Variants in PADI6 observed in about 807,000 individuals in gnomAD.
PADI6 encodes the protein peptidyl arginine deiminase 6.
PADI6 carries 66 observed loss-of-function variants against 78.2 expected under a neutral mutation model. The ratio of observed to expected loss-of-function variants is 0.84; its 90% CI spans 0.69 to 1.04. The LOEUF is 1.04. Ranked by LOEUF, PADI6 falls within the 50% of genes least tolerant of loss-of-function variation. The probability of loss-of-function intolerance (pLI) is 0.00; values close to 1 mark genes in which losing one functional copy is unlikely to be tolerated. For missense variants in PADI6, 854 were observed against 866.1 expected, an observed-to-expected ratio of 0.99 and a Z score of 0.18; for synonymous variants, 397 against 346.9, an observed-to-expected ratio of 1.14 and a Z score of -1.60.
chr1:17,380,029 A>T, intron 4 of PADI6, 42 bp downstream of exon 4: 6 of 1,593,562 alleles, frequency 3.8e-6, no homozygotes, highest in Non-Finnish European at 5.2e-6. Context: ...GGGCCCTATA[A>T]GCCAAATCTG....
rs181233650 is a variant in PADI6 at position 17,395,252 on chromosome 1, G to A, written c.1494+145G>A. 396 of 1,164,988 alleles carry A rather than the reference G, an allele frequency of 3.4e-4. 2 individuals are homozygous for A. In the African/African-American group the frequency reaches 5.5e-3, roughly 16 times the overall value. 72.2% of individuals were successfully genotyped at this position (1,164,988 alleles called of 1,614,324 possible). Reference sequence around the variant, plus strand: ...AGAGTCTTGCTCTGTCACCCAGGCTGGAGTGCAGTGGCGTGATCTCCGCTC... The same window carrying A: ...AGAGTCTTGCTCTGTCACCCAGGCTAGAGTGCAGTGGCGTGATCTCCGCTC... On this transcript the variant is annotated intron_variant, in intron 12 of 15. Coordinates refer to ENST00000619609, the MANE Select transcript of PADI6 (RefSeq NM_207421.4).
In PADI6 at chr1:17,384,865, A is replaced by G. The variant is rs148378680; in HGVS notation, c.679+2773A>G. On this transcript the variant is annotated intron_variant, in intron 6 of 15. Coordinates refer to ENST00000619609, the MANE Select transcript of PADI6 (RefSeq NM_207421.4). ...CCAGGTTGAAATGGGGAGGCACAGTAAATCTAGGCCACAGAAAGAATTCTC... is the reference window on the plus strand; with the variant it reads ...CCAGGTTGAAATGGGGAGGCACAGTGAATCTAGGCCACAGAAAGAATTCTC... Among the ~76,000 whole-genome samples, 359 of 152,378 alleles carry G rather than the reference A, an allele frequency of 2.4e-3. 6 individuals are homozygous for G. Among genetic ancestry groups the G allele is most frequent in the African/African-American group, 7.9e-3 (329 of 41,590 alleles).
chr1:17,373,938 C>T (rs570641874), intron 2 of PADI6, among the ~76,000 whole-genome samples: 6 of 152,140 alleles, frequency 3.9e-5, no homozygotes, highest in African/African-American at 1.4e-4. Flanking sequence ...TAATGGGGTG[C>T]CTATGTTGGG....
intron 3 of PADI6, among the ~76,000 whole-genome samples, chr1:17,377,343 C>T (rs1353057224): frequency 6.6e-6 from 1 of 152,132 alleles, no homozygotes; most frequent in African/African-American, 2.4e-5. Flanking sequence ...TATTTTTCCT[C>T]CTGCCTGTTC....
chr1:17,372,372 G>C lies in PADI6; in HGVS notation c.116+11G>C. 2 of 1,612,146 alleles carry C rather than the reference G, an allele frequency of 1.2e-6. No homozygotes were observed. The highest frequency in any genetic ancestry group is 1.7e-6 in the Non-Finnish European group (2 of 1,178,290). On this transcript the variant is annotated intron_variant, in intron 1 of 15. Coordinates refer to ENST00000619609, the MANE Select transcript of PADI6 (RefSeq NM_207421.4). ...CTTGGATCTCAGCGGGTGAGATGCT[G>C]GGAGCTCTGCCAGAGGTGGCAGGCA... is the stretch of plus-strand genomic sequence containing the variant.
At chr1:17,380,015 G>C in intron 4 of PADI6, 28 bp downstream of exon 4, 10 of 1,611,400 alleles carry the variant, frequency 6.2e-6, no homozygotes, top group Non-Finnish European at 8.5e-6. Flanking sequence ...AGGGGGCAGG[G>C]AAGGGGCCCT....
At chr1:17,384,912 G>A (rs1329192754) in intron 6 of PADI6, among the ~76,000 whole-genome samples, 3 of 152,240 alleles carry the variant, frequency 2.0e-5, no homozygotes, top group Non-Finnish European at 2.9e-5. Flanking sequence ...GGAGATGTGT[G>A]GTGGTAATTA....
intron 6 of PADI6, among the ~76,000 whole-genome samples, chr1:17,383,354 T>C (rs187549737): frequency 1.6e-4 from 24 of 152,296 alleles, no homozygotes; most frequent in Middle Eastern, 3.4e-3. Flanking sequence ...ATCTTACACA[T>C]GAGCTAGAGT....
chr1:17,390,960 A>G (rs546724779), intron 8 of PADI6, among the ~76,000 whole-genome samples: 9 of 152,286 alleles, frequency 5.9e-5, no homozygotes, highest in South Asian at 4.1e-4. Flanking sequence ...TCCCCCAGTA[A>G]GCGTCAGACT....
chr1:17,401,651 C>T lies in PADI6; in HGVS notation c.*213C>T, dbSNP rs145085121. 176 of 572,954 alleles carry T rather than the reference C, an allele frequency of 3.1e-4. No individual in the cohort carries two copies. The highest frequency in any genetic ancestry group is 2.9e-3 in the African/African-American group (155 of 53,504). 35.5% of individuals were successfully genotyped at this position (572,954 alleles called of 1,614,324 possible). ...GGGAAAAGATGCAAAAGTGTTCAGC[C>T]AAGTGACGTTTACTAAATAGCCAAT... On this transcript the variant is annotated 3_prime_UTR_variant, in exon 16 of 16. Transcript: ENST00000619609.
At chr1:17,379,111 ATTT>A (rs144547124) in intron 3 of PADI6, among the ~76,000 whole-genome samples, 9 of 100,842 alleles carry the variant, frequency 8.9e-5, no homozygotes, top group African/African-American at 1.7e-4. Context: ...TGCCCAGTTA[ATTT>A]TTTTTTTTTT....
intron 3 of PADI6, among the ~76,000 whole-genome samples, chr1:17,376,825 T>A (rs2075022998): frequency 6.6e-6 from 1 of 152,238 alleles, no homozygotes; most frequent in Non-Finnish European, 1.5e-5. Flanking sequence ...CTCTAACATC[T>A]ACAACACTAA....
chr1:17,382,439 C>T (rs1173911245), intron 6 of PADI6, among the ~76,000 whole-genome samples: 1 of 152,210 alleles, frequency 6.6e-6, no homozygotes, highest in East Asian at 1.9e-4. Flanking sequence ...CCCAGTGACT[C>T]CTCTCAGGAG....
In PADI6 at chr1:17,396,921, G is replaced by A. The variant is rs936790700; in HGVS notation, c.1619-150G>A. On this transcript the variant is annotated intron_variant, in intron 13 of 15. Transcript: ENST00000619609. ...CCAGAAGGAAGATATTGGACCTGAGGGTGTGATCCCTGGAGATAGGCCAGT... is the reference window on the plus strand; with the variant it reads ...CCAGAAGGAAGATATTGGACCTGAGAGTGTGATCCCTGGAGATAGGCCAGT... 1.4e-5 allele frequency: 10 copies of A among 691,748 alleles called. No homozygotes were observed. In the African/African-American group the frequency reaches 1.8e-4, roughly 12 times the overall value. The allele number at this position is 691,748 out of a possible 1,614,324, so 42.9% of individuals were successfully genotyped here.
At chr1:17,400,040 C>CA (rs963861915) in intron 15 of PADI6, among the ~76,000 whole-genome samples, 1 of 143,738 alleles carries the variant, frequency 7.0e-6, no homozygotes, top group East Asian at 2.0e-4. Context: ...CCCAAAAAAA[C>CA]AAACAAAACA....
chr1:17,393,060 C>T (rs1167116421), intron 9 of PADI6, among the ~76,000 whole-genome samples: 20 of 152,030 alleles, frequency 1.3e-4, no homozygotes, highest in East Asian at 1.9e-4. Flanking sequence ...GCAGAAGAAT[C>T]GCTTGAACCC....
chr1:17,389,218 G>A (rs2075158087), intron 8 of PADI6, among the ~76,000 whole-genome samples: 1 of 152,230 alleles, frequency 6.6e-6, no homozygotes, highest in Non-Finnish European at 1.5e-5. Flanking sequence ...CGGAGCCAGA[G>A]AACAGGTGTG....
intron 8 of PADI6, among the ~76,000 whole-genome samples, chr1:17,389,483 A>C (rs1267896603): frequency 2.6e-5 from 4 of 152,144 alleles, no homozygotes; most frequent in Non-Finnish European, 5.9e-5. Context: ...TCCTAGGTCC[A>C]GGCCCGGGCC....
At chr1:17,383,537 C>T (rs2075092417) in intron 6 of PADI6, among the ~76,000 whole-genome samples, 1 of 152,198 alleles carries the variant, frequency 6.6e-6, no homozygotes, top group African/African-American at 2.4e-5. Context: ...TAGCGAACTA[C>T]CGGTTTCTTT....
Sources: allele counts gnomAD v4.1 joint callset (sites outside exome capture counted in the v4.1 genomes callset), GRCh38; gene constraint gnomAD v4.1.1; transcripts MANE v1.5; gene names NCBI Gene and HGNC (gene_info 2026-07-23, HGNC 2026-07-21).